The following KCNH7 variants were observed in gnomAD, a reference collection of about 807,000 sequenced individuals.
KCNH7 encodes potassium voltage-gated channel subfamily H member 7, also known as voltage-gated inwardly rectifying potassium channel KCNH7.
A neutral mutation model predicts 120.8 loss-of-function variants in KCNH7; 49 were observed. The ratio of observed to expected loss-of-function variants is 0.41; its 90% CI spans 0.32 to 0.51. The LOEUF is 0.51. Among genes scored for constraint, KCNH7 ranks in the 20% least tolerant of loss-of-function variants. The pLI is 0.38. For missense variants in KCNH7, 1,097 were observed against 1,446.6 expected (o/e 0.76, Z 3.92); for synonymous variants, 547 against 516.1 (o/e 1.06, Z -0.81).
At chr2:162,458,200 AT>A (rs1689036466) in intron 6 of KCNH7, among the ~76,000 whole-genome samples, 1 of 151,796 alleles carries the variant, frequency 6.6e-6, no homozygotes, top group Non-Finnish European at 1.5e-5. Context: ...AGTGTTTAGC[AT>A]TTTGTTTTGT....
chr2:162,506,526 A>G (rs761484289), intron 5 of KCNH7, among the ~76,000 whole-genome samples: 1 of 151,864 alleles, frequency 6.6e-6, no homozygotes, highest in African/African-American at 2.4e-5. Flanking sequence ...TTATTTAACT[A>G]ACAGGGATAC....
chr2:162,409,274 T>C (rs987701406), intron 9 of KCNH7, among the ~76,000 whole-genome samples: 1 of 151,864 alleles, frequency 6.6e-6, no homozygotes, highest in Non-Finnish European at 1.5e-5. Context: ...ACAGAAAATA[T>C]TATTTTATAA....
chr2:162,451,536 A>T (rs1573973709), intron 6 of KCNH7, among the ~76,000 whole-genome samples: 1 of 151,954 alleles, frequency 6.6e-6, no homozygotes. Flanking sequence ...TTTCTTCTCC[A>T]CAGAATGTCA....
chr2:162,376,345 CT>C (rs1686177916), intron 14 of KCNH7, among the ~76,000 whole-genome samples: 1 of 150,582 alleles, frequency 6.6e-6, no homozygotes, highest in African/African-American at 2.4e-5. Context: ...TGTTCTAGGG[CT>C]TCCCTACTCA....
intron 8 of KCNH7, 67 bp downstream of exon 8, chr2:162,435,131 A>G (rs967601997): frequency 3.6e-6 from 5 of 1,400,806 alleles, no homozygotes; most frequent in Admixed American, 4.3e-5. Flanking sequence ...TACTCTAAAT[A>G]TTGTAGAAAT....
chr2:162,549,012 T>C (rs1367363453), intron 2 of KCNH7, among the ~76,000 whole-genome samples: 1 of 152,194 alleles, frequency 6.6e-6, no homozygotes, highest in Non-Finnish European at 1.5e-5. Flanking sequence ...GGTATAACCA[T>C]TTCCCTTTTG....
chr2:162,826,979 G>T (rs886764114), intron 2 of KCNH7, among the ~76,000 whole-genome samples: 6 of 152,046 alleles, frequency 3.9e-5, no homozygotes, highest in African/African-American at 1.4e-4. Flanking sequence ...GTTGATGAAG[G>T]GTTCAGGGAG....
chr2:162,612,253 T>A (rs1185029041), intron 2 of KCNH7, among the ~76,000 whole-genome samples: 1 of 152,112 alleles, frequency 6.6e-6, no homozygotes, highest in Non-Finnish European at 1.5e-5. Context: ...TCTTGGCAAC[T>A]AAGAGGATTG....
intron 2 of KCNH7, among the ~76,000 whole-genome samples, chr2:162,689,407 C>T (rs13386164): frequency 0.16 from 24,115 of 151,852 alleles, 2,255 homozygotes; most frequent in East Asian, 0.46. Context: ...CTGCCTCGGC[C>T]GCCCAAAGTG....
chr2:162,642,684 A>G (rs1684206641), intron 2 of KCNH7, among the ~76,000 whole-genome samples: 1 of 152,204 alleles, frequency 6.6e-6, no homozygotes, highest in Non-Finnish European at 1.5e-5. Flanking sequence ...AACACCTGGC[A>G]GCAGAAACAC....
At chr2:162,677,185 T>A (rs1328626341) in intron 2 of KCNH7, among the ~76,000 whole-genome samples, 3 of 151,468 alleles carry the variant, frequency 2.0e-5, no homozygotes, top group African/African-American at 4.8e-5. Flanking sequence ...AATATATACC[T>A]CAAAAATGTT....
At chr2:162,688,573 A>G (rs1430526296) in intron 2 of KCNH7, among the ~76,000 whole-genome samples, 1 of 152,082 alleles carries the variant, frequency 6.6e-6, no homozygotes, top group East Asian at 1.9e-4. Flanking sequence ...TCTGCTTTCG[A>G]GTTGCACCTG....
intron 2 of KCNH7, among the ~76,000 whole-genome samples, chr2:162,707,804 C>G (rs993648245): frequency 6.6e-6 from 1 of 152,126 alleles, no homozygotes. Context: ...TTGATCAGTT[C>G]TGGCCAGACT....
At chr2:162,538,825 C>A (rs111986860) in intron 2 of KCNH7, among the ~76,000 whole-genome samples, 3 of 151,968 alleles carry the variant, frequency 2.0e-5, no homozygotes, top group Non-Finnish European at 4.4e-5. Context: ...AGGAATTGAT[C>A]GACAGATATA....
intron 2 of KCNH7, among the ~76,000 whole-genome samples, chr2:162,635,137 C>T (rs561236874): frequency 1.3e-5 from 2 of 152,120 alleles, no homozygotes; most frequent in Admixed American, 1.3e-4. Context: ...TTCTATTGGA[C>T]AGTGCTGATT....
At chr2:162,735,529 C>G (rs1454638164) in intron 2 of KCNH7, among the ~76,000 whole-genome samples, 1 of 152,066 alleles carries the variant, frequency 6.6e-6, no homozygotes. Context: ...AAAGAATTGG[C>G]CCTTGAGGTA....
At chr2:162,806,799 T>TTTTTTG (rs1208378712) in intron 2 of KCNH7, among the ~76,000 whole-genome samples, 1 of 152,234 alleles carries the variant, frequency 6.6e-6, no homozygotes, top group South Asian at 2.1e-4. Flanking sequence ...GGAGTAGTGA[T>TTTTTTG]TTTTTGTTTT....
chr2:162,550,594 C>T (rs1326520571), intron 2 of KCNH7, among the ~76,000 whole-genome samples: 3 of 152,120 alleles, frequency 2.0e-5, no homozygotes, highest in African/African-American at 7.2e-5. Context: ...TGGCTCTATA[C>T]TGTGAGTAGC....
At chr2:162,835,472 A>C (rs577573962) in intron 2 of KCNH7, among the ~76,000 whole-genome samples, 1 of 152,176 alleles carries the variant, frequency 6.6e-6, no homozygotes, top group African/African-American at 2.4e-5. Context: ...AAATCTGAAC[A>C]GCTACCCCTC....
Sources: gnomAD v4.1 joint callset for allele counts (sites outside exome capture counted in the v4.1 genomes callset) on GRCh38, gnomAD v4.1.1 for gene constraint, MANE v1.5 for transcripts, NCBI Gene and HGNC (gene_info 2026-07-23, HGNC 2026-07-21) for gene names.